Variants in SAP30L observed in about 807,000 individuals in gnomAD.
SAP30L encodes the protein SAP30 like, also known as histone deacetylase complex subunit SAP30L.
A neutral mutation model predicts 22.3 loss-of-function variants in SAP30L; 10 were observed. That is an observed-to-expected ratio of 0.45 (90% CI 0.28 to 0.76). The LOEUF is 0.76. SAP30L is among the 30% of genes least tolerant of loss of function. The pLI is 0.14. For synonymous variants in SAP30L, 91 were observed against 94.1 expected (o/e 0.97, Z 0.19); for missense variants, 206 against 237.9 (o/e 0.87, Z 0.88).
At chr5:154,455,328 C>G (rs568818006) in intron 3 of SAP30L, among the ~76,000 whole-genome samples, 1 of 152,202 alleles carries the variant, frequency 6.6e-6, no homozygotes, top group East Asian at 1.9e-4. Context: ...GATCCTCCCA[C>G]CTCAGCCTCC....
chr5:154,451,040 G>A, intron 1 of SAP30L, 51 bp from the exon 2 acceptor site: 1 of 1,606,432 alleles, frequency 6.2e-7, no homozygotes, highest in Non-Finnish European at 8.5e-7. Context: ...GATACCTATT[G>A]CTGTCTCCAA....
At chr5:154,449,412 G>A (rs975830786) in intron 1 of SAP30L, among the ~76,000 whole-genome samples, 2 of 152,154 alleles carry the variant, frequency 1.3e-5, no homozygotes, top group Admixed American at 6.5e-5. Context: ...ACGGATTGGG[G>A]TCAATGGGAT....
chr5:154,447,945 T>C (rs1172480135), intron 1 of SAP30L, among the ~76,000 whole-genome samples: 1 of 151,048 alleles, frequency 6.6e-6, no homozygotes, highest in Non-Finnish European at 1.5e-5. Context: ...CCTGTCCTTT[T>C]TCTTTTCTTT....
rs919629397 is a variant in SAP30L at position 154,458,853 on chromosome 5, A to G, written c.*2825A>G. 1 of 152,230 alleles carries G rather than the reference A, an allele frequency of 6.6e-6. No individual in the cohort carries two copies. The highest frequency in any genetic ancestry group is 2.4e-5 in the African/African-American group (1 of 41,462). The allele number at this position is 152,230 out of a possible 1,614,324, so 9.4% of individuals were successfully genotyped here. ...AAAAAAAAGATCACAGCTGAATCTC[A>G]TGAAAGATTAAAAACCAAAGGATTC... On this transcript the variant is annotated 3_prime_UTR_variant, in exon 4 of 4. Coordinates refer to ENST00000297109, the MANE Select transcript of SAP30L (RefSeq NM_024632.6).
Position 154,448,156 on chromosome 5 carries a change from A to G in SAP30L, c.201+1351A>G, listed in dbSNP as rs931502386. Among the ~76,000 whole-genome samples, 91 of 151,630 alleles carry G rather than the reference A, an allele frequency of 6.0e-4. 2 individuals carry two copies. Among genetic ancestry groups the G allele is most frequent in the African/African-American group, 2.2e-3 (91 of 41,338 alleles). ...ATGCCTGGCTGATTTTTGTATTTTT[A>G]ATGGAGATAGGGTTTCGCCATGTTG... On this transcript the variant is annotated intron_variant, in intron 1 of 3. Coordinates refer to ENST00000297109, the MANE Select transcript of SAP30L (RefSeq NM_024632.6).
At chr5:154,446,879 G>A (rs1173295837) in intron 1 of SAP30L, 74 bp downstream of exon 1, 1 of 1,332,820 alleles carries the variant, frequency 7.5e-7, no homozygotes, top group Non-Finnish European at 1.0e-6. Flanking sequence ...CTCCAGTCGG[G>A]ACTCCCCGGG....
chr5:154,454,623 TA>T (rs1447625912), intron 3 of SAP30L, among the ~76,000 whole-genome samples: 1 of 152,150 alleles, frequency 6.6e-6, no homozygotes, highest in Non-Finnish European at 1.5e-5. Flanking sequence ...CACTTTTTCT[TA>T]AACAACTCCT....
chr5:154,446,573 C>G lies in SAP30L; in HGVS notation c.-32C>G. Reference sequence around the variant, plus strand: ...GCCGCGGAGTGGCCTACCGGGGACCCTCCCCCAGAGGGACCGGCCCGGGGC... The same window carrying G: ...GCCGCGGAGTGGCCTACCGGGGACCGTCCCCCAGAGGGACCGGCCCGGGGC... On this transcript the variant is annotated 5_prime_UTR_variant, in exon 1 of 4. Coordinates refer to ENST00000297109, the MANE Select transcript of SAP30L (RefSeq NM_024632.6). 3 of 1,412,912 alleles carry G rather than the reference C, an allele frequency of 2.1e-6. No homozygotes were observed. Among genetic ancestry groups the G allele is most frequent in the South Asian group, 1.6e-5 (1 of 64,366 alleles). The allele number at this position is 1,412,912 out of a possible 1,614,324, so 87.5% of individuals were successfully genotyped here.
intron 3 of SAP30L, among the ~76,000 whole-genome samples, chr5:154,454,024 A>G (rs772959508): frequency 3.3e-5 from 5 of 152,098 alleles, no homozygotes; most frequent in African/African-American, 4.8e-5. Context: ...CAGCCTCACT[A>G]TGTTGCTCAA....
At chr5:154,455,034 A>G (rs1376993024) in intron 3 of SAP30L, among the ~76,000 whole-genome samples, 1 of 151,402 alleles carries the variant, frequency 6.6e-6, no homozygotes, top group Non-Finnish European at 1.5e-5. Flanking sequence ...ATTCTTCTCC[A>G]TGTTTCCCGA....
chr5:154,446,857 C>A, intron 1 of SAP30L, 52 bp downstream of exon 1: 1 of 1,501,588 alleles, frequency 6.7e-7, no homozygotes, highest in Non-Finnish European at 9.1e-7. Flanking sequence ...GCTCTCCGTC[C>A]GCTGCCCTGG....
intron 2 of SAP30L, among the ~76,000 whole-genome samples, chr5:154,452,777 C>T (rs532456655): frequency 2.1e-4 from 32 of 152,228 alleles, no homozygotes; most frequent in Non-Finnish European, 4.1e-4. Flanking sequence ...CGGTCGCTGC[C>T]TCGTTCTGGC....
chr5:154,447,574 G>T (rs1757048412), intron 1 of SAP30L, among the ~76,000 whole-genome samples: 1 of 152,202 alleles, frequency 6.6e-6, no homozygotes, highest in South Asian at 2.1e-4. Context: ...GAACTTTTTA[G>T]TTTGACATCT....
In SAP30L at chr5:154,456,204, GAA is replaced by G; in HGVS notation, c.*178_*179del. The G allele has an allele frequency of 1.9e-6, 1 of 523,682 alleles. No homozygotes were observed. The highest frequency in any genetic ancestry group is 3.1e-6 in the Non-Finnish European group (1 of 322,736). 32.4% of individuals were successfully genotyped at this position (523,682 alleles called of 1,614,324 possible). On this transcript the variant is annotated 3_prime_UTR_variant, in exon 4 of 4. Coordinates refer to ENST00000297109, the MANE Select transcript of SAP30L (RefSeq NM_024632.6). The stretch of plus-strand genomic sequence containing the variant: ...ATTCTCATGATTCAGCATGTGTATA[GAA>G]AGACTTTCTTTTACGATAACTCTGG...
At chr5:154,452,671 C>A (rs1757170072) in intron 2 of SAP30L, among the ~76,000 whole-genome samples, 1 of 151,622 alleles carries the variant, frequency 6.6e-6, no homozygotes, top group South Asian at 2.1e-4. Context: ...AACTTTTGAA[C>A]TTTCTCTGGA....
At chr5:154,454,493 A>T (rs983627145) in intron 3 of SAP30L, among the ~76,000 whole-genome samples, 1 of 152,188 alleles carries the variant, frequency 6.6e-6, no homozygotes, top group Non-Finnish European at 1.5e-5. Context: ...ACCACTCTTT[A>T]TGTCTAGTTC....
chr5:154,447,983 T>A (rs1417865410), intron 1 of SAP30L, among the ~76,000 whole-genome samples: 12 of 140,170 alleles, frequency 8.6e-5, no homozygotes, highest in African/African-American at 3.2e-4. Context: ...TTTTTTTTTT[T>A]TTTTTTTTTT....
chr5:154,456,591 G>GACA lies in SAP30L; in HGVS notation c.*563_*564insACA, dbSNP rs1757270644. 6.6e-6 allele frequency: 1 copy of GACA among 152,542 alleles called. No homozygotes were observed. The highest frequency in any genetic ancestry group is 2.4e-5 in the African/African-American group (1 of 41,454). The allele number at this position is 152,542 out of a possible 1,614,324, so 9.4% of individuals were successfully genotyped here. A position where few individuals can be genotyped will look rare whatever the true frequency, so the allele number is the denominator to read the frequency against. On this transcript the variant is annotated 3_prime_UTR_variant, in exon 4 of 4. Transcript: ENST00000297109. ...TCAGTAGGTATTGGCTAATTGAGCTGTCACTAATAGTGCCAGCCTTGTAAC... is the reference window on the plus strand; with the variant it reads ...TCAGTAGGTATTGGCTAATTGAGCTGACATCACTAATAGTGCCAGCCTTGTAAC...
intron 2 of SAP30L, chr5:154,453,076 T>A: frequency 4.4e-6 from 1 of 227,574 alleles, no homozygotes; most frequent in South Asian, 1.0e-4. Flanking sequence ...TGCCCATCTG[T>A]GCCTCTCCCA....
Sources: allele counts gnomAD v4.1 joint callset (sites outside exome capture counted in the v4.1 genomes callset), GRCh38; gene constraint gnomAD v4.1.1; transcripts MANE v1.5; gene names NCBI Gene and HGNC (gene_info 2026-07-23, HGNC 2026-07-21).